The following ADK variants were observed in gnomAD, a reference collection of about 807,000 sequenced individuals.
ADK encodes the protein N6,N6-dimethyladenosine kinase.
ADK carries 24 observed loss-of-function variants against 44.7 expected under a neutral mutation model. That is an observed-to-expected ratio of 0.54 (90% confidence interval 0.39 to 0.76). The LOEUF is 0.76. Among genes scored for constraint, ADK ranks in the 30% least tolerant of loss-of-function variants. The probability of loss-of-function intolerance (pLI) is 0.00; values close to 1 mark genes in which losing one functional copy is unlikely to be tolerated. For synonymous variants in ADK, 128 were observed against 142.6 expected, an observed-to-expected ratio of 0.90 and a Z score of 0.73; for missense variants, 321 against 425.1, an observed-to-expected ratio of 0.76 and a Z score of 2.15.
At chr10:74,212,803 A>T (rs1843867026) in intron 2 of ADK, among the ~76,000 whole-genome samples, 1 of 148,478 alleles carries the variant, frequency 6.7e-6, no homozygotes, top group Non-Finnish European at 1.5e-5. Context: ...TGATGACTTG[A>T]TCACTTTAGT....
intron 10 of ADK, among the ~76,000 whole-genome samples, chr10:74,686,312 G>C (rs1416403591): frequency 6.6e-6 from 1 of 152,148 alleles, no homozygotes; most frequent in African/African-American, 2.4e-5. Context: ...TTGTGGGACT[G>C]CTGTGGTTTG....
intron 7 of ADK, chr10:74,527,634 A>G: frequency 2.5e-6 from 2 of 805,840 alleles, no homozygotes; most frequent in Non-Finnish European, 4.5e-6. Flanking sequence ...CAGGAATCTT[A>G]TGGCCTCTGA....
chr10:74,434,236 T>C (rs1428222856), intron 6 of ADK, among the ~76,000 whole-genome samples: 1 of 152,128 alleles, frequency 6.6e-6, no homozygotes, highest in East Asian at 1.9e-4. Context: ...TTATGAAAGA[T>C]AGGAGGTCAT....
intron 1 of ADK, among the ~76,000 whole-genome samples, chr10:74,171,994 A>G (rs904952018): frequency 2.0e-5 from 3 of 152,218 alleles, no homozygotes; most frequent in Non-Finnish European, 2.9e-5. Context: ...AGATCACATG[A>G]GTCCTCTTTC....
intron 6 of ADK, among the ~76,000 whole-genome samples, chr10:74,400,772 A>T (rs1414713308): frequency 6.6e-6 from 1 of 152,226 alleles, no homozygotes; most frequent in Non-Finnish European, 1.5e-5. Flanking sequence ...TTCAACAAAT[A>T]TCCGTAACTA....
In ADK at chr10:74,320,581, CTT is replaced by C. The variant is rs367645987; in HGVS notation, c.273+5838_273+5839del. Among the ~76,000 whole-genome samples the C allele has an allele frequency of 2.9e-3, 447 of 152,018 alleles. 6 individuals carry two copies. Among genetic ancestry groups the C allele is most frequent in the African/African-American group, 0.01 (418 of 41,476 alleles). ...CAAAAATTTTTTTCTTTTATTTTCT[CTT>C]TGTTTTCCTTCTGGCATTCTCATAA... On this transcript the variant is annotated intron_variant, in intron 4 of 10. Transcript: ENST00000539909.
chr10:74,627,926 C>T (rs1853273011), intron 9 of ADK, among the ~76,000 whole-genome samples: 1 of 152,154 alleles, frequency 6.6e-6, no homozygotes, highest in Non-Finnish European at 1.5e-5. Context: ...TGTGAGCCAC[C>T]ACACCTGGCC....
At chr10:74,589,876 T>C (rs1009396866) in intron 8 of ADK, among the ~76,000 whole-genome samples, 1 of 152,204 alleles carries the variant, frequency 6.6e-6, no homozygotes, top group Non-Finnish European at 1.5e-5. Flanking sequence ...CCCTCTTTTT[T>C]TCTGGGGAGA....
chr10:74,166,660 C>A (rs1842041287), intron 1 of ADK, among the ~76,000 whole-genome samples: 2 of 142,674 alleles, frequency 1.4e-5, no homozygotes, highest in Admixed American at 7.5e-5. Flanking sequence ...GCACTCCAGC[C>A]TGGGTGACAA....
intron 7 of ADK, among the ~76,000 whole-genome samples, chr10:74,576,758 C>T (rs1006460391): frequency 1.3e-5 from 2 of 152,050 alleles, no homozygotes; most frequent in African/African-American, 4.8e-5. Context: ...TTTGTAACCA[C>T]CTAAATGCTG....
intron 9 of ADK, among the ~76,000 whole-genome samples, chr10:74,621,556 C>G (rs1433563779): frequency 1.3e-5 from 2 of 152,108 alleles, no homozygotes; most frequent in African/African-American, 4.8e-5. Flanking sequence ...CATTTAGGGT[C>G]TTTTCTGATT....
chr10:74,311,056 A>C (rs531299285), intron 3 of ADK, among the ~76,000 whole-genome samples: 7 of 152,284 alleles, frequency 4.6e-5, no homozygotes, highest in African/African-American at 1.7e-4. Flanking sequence ...TGCTTATTGC[A>C]CAATCTAAAC....
intron 4 of ADK, among the ~76,000 whole-genome samples, chr10:74,351,566 A>G (rs1411781107): frequency 6.6e-6 from 1 of 152,190 alleles, no homozygotes; most frequent in African/African-American, 2.4e-5. Flanking sequence ...AGTTCTGACT[A>G]GAGCAATCTG....
intron 4 of ADK, among the ~76,000 whole-genome samples, chr10:74,329,297 A>G (rs978239675): frequency 2.0e-5 from 3 of 152,256 alleles, no homozygotes; most frequent in Non-Finnish European, 1.5e-5. Context: ...CAAATAGTCT[A>G]GATTGTAACA....
At chr10:74,453,812 A>G (rs1845853098) in intron 6 of ADK, among the ~76,000 whole-genome samples, 1 of 152,038 alleles carries the variant, frequency 6.6e-6, no homozygotes, top group African/African-American at 2.4e-5. Flanking sequence ...TGTGTTTTCA[A>G]AAGCTGCTTT....
intron 1 of ADK, among the ~76,000 whole-genome samples, chr10:74,195,954 G>A (rs998658380): frequency 2.0e-5 from 3 of 151,750 alleles, no homozygotes; most frequent in Non-Finnish European, 4.4e-5. Context: ...TGAGATTACA[G>A]GTGTGAGCCA....
At chr10:74,219,990 G>A (rs1299034614) in intron 2 of ADK, among the ~76,000 whole-genome samples, 1 of 147,696 alleles carries the variant, frequency 6.8e-6, no homozygotes, top group South Asian at 2.2e-4. Flanking sequence ...ACATTCAAAA[G>A]CTAGCAGAAG....
intron 3 of ADK, among the ~76,000 whole-genome samples, chr10:74,287,702 A>C (rs2132467445): frequency 6.6e-6 from 1 of 152,254 alleles, no homozygotes. Context: ...TTCTGTATAA[A>C]ACTCGAATAC....
chr10:74,266,949 A>T (rs1846235802), intron 3 of ADK, among the ~76,000 whole-genome samples: 2 of 152,194 alleles, frequency 1.3e-5, no homozygotes, highest in Non-Finnish European at 2.9e-5. Context: ...CATGGGTTCC[A>T]CATTGGTGGA....
Sources: allele counts gnomAD v4.1 joint callset (sites outside exome capture counted in the v4.1 genomes callset), GRCh38; gene constraint gnomAD v4.1.1; transcripts MANE v1.5; gene names NCBI Gene and HGNC (gene_info 2026-07-23, HGNC 2026-07-21).